MTHFD1L: variants seen among roughly 807,000 people sequenced by gnomAD.
MTHFD1L encodes monofunctional C1-tetrahydrofolate synthase, mitochondrial.
MTHFD1L carries 81 observed loss-of-function variants against 119.5 expected under a neutral mutation model. The ratio of observed to expected loss-of-function variants is 0.68; its 90% CI spans 0.57 to 0.82. MTHFD1L has a LOEUF of 0.82. Among genes scored for constraint, MTHFD1L ranks in the 40% least tolerant of loss-of-function variants. The probability of loss-of-function intolerance (pLI) is 0.00; values close to 1 mark genes in which losing one functional copy is unlikely to be tolerated. For synonymous variants in MTHFD1L, 430 were observed against 475.2 expected, an observed-to-expected ratio of 0.90 and a Z score of 1.24; for missense variants, 1,125 against 1,253.4, an observed-to-expected ratio of 0.90 and a Z score of 1.55.
chr6:150,972,179 T>C (rs527383841), intron 20 of MTHFD1L, 121 bp downstream of exon 20: 220 of 823,586 alleles, frequency 2.7e-4, no homozygotes, highest in Non-Finnish European at 2.9e-5. Context: ...CCCTCTTTCA[T>C]AGAGGGTCTC....
chr6:150,891,538 T>C (rs942497603), intron 7 of MTHFD1L, among the ~76,000 whole-genome samples: 4 of 147,972 alleles, frequency 2.7e-5, no homozygotes, highest in African/African-American at 9.8e-5. Flanking sequence ...TAATATATAT[T>C]ATATTATTAT....
intron 26 of MTHFD1L, among the ~76,000 whole-genome samples, chr6:151,081,249 G>A (rs1793132831): frequency 6.6e-6 from 1 of 152,148 alleles, no homozygotes; most frequent in South Asian, 2.1e-4. Context: ...GGCCAGCCGA[G>A]TTTCAGGGTA....
intron 24 of MTHFD1L, among the ~76,000 whole-genome samples, chr6:151,025,937 GCC>G (rs1463601253): frequency 1.3e-5 from 2 of 152,152 alleles, no homozygotes; most frequent in Admixed American, 1.3e-4. Flanking sequence ...AAGATGAGAC[GCC>G]CCTACTACGT....
intron 19 of MTHFD1L, among the ~76,000 whole-genome samples, chr6:150,968,752 G>A (rs1337893619): frequency 6.6e-6 from 1 of 151,684 alleles, no homozygotes; most frequent in African/African-American, 2.4e-5. Context: ...CTGACCTCAG[G>A]TGATCTGCCC....
At chr6:151,084,507 G>C (rs1194535650) in intron 26 of MTHFD1L, among the ~76,000 whole-genome samples, 2 of 152,140 alleles carry the variant, frequency 1.3e-5, no homozygotes, top group Non-Finnish European at 2.9e-5. Flanking sequence ...TTGAACTCCT[G>C]GCCCCAAGCG....
intron 17 of MTHFD1L, among the ~76,000 whole-genome samples, chr6:150,957,022 T>C (rs1022355335): frequency 6.6e-6 from 1 of 152,220 alleles, no homozygotes; most frequent in East Asian, 1.9e-4. Flanking sequence ...ATTAGATTGA[T>C]GATTAAAAGG....
intron 27 of MTHFD1L, among the ~76,000 whole-genome samples, chr6:151,093,052 C>A (rs1351406511): frequency 6.6e-6 from 1 of 152,210 alleles, no homozygotes; most frequent in Non-Finnish European, 1.5e-5. Context: ...GACAAAGTAT[C>A]GCAAACTGGG....
chr6:151,077,849 G>A (rs1792703933), intron 26 of MTHFD1L, among the ~76,000 whole-genome samples: 1 of 151,804 alleles, frequency 6.6e-6, no homozygotes, highest in Non-Finnish European at 1.5e-5. Context: ...GGAGCACGAG[G>A]TCAGGAGATC....
intron 7 of MTHFD1L, among the ~76,000 whole-genome samples, chr6:150,898,066 A>G (rs1386107811): frequency 6.6e-6 from 1 of 152,080 alleles, no homozygotes; most frequent in Non-Finnish European, 1.5e-5. Flanking sequence ...CTGGTCTCGA[A>G]CTCCTGACCT....
chr6:151,084,992 T>A (rs1230017684), intron 26 of MTHFD1L, among the ~76,000 whole-genome samples: 35 of 133,028 alleles, frequency 2.6e-4, no homozygotes, highest in African/African-American at 1.0e-3. Flanking sequence ...AAAATATATA[T>A]ATATATATAT....
intron 7 of MTHFD1L, among the ~76,000 whole-genome samples, chr6:150,891,907 C>A (rs1783351683): frequency 6.6e-6 from 1 of 152,130 alleles, no homozygotes; most frequent in African/African-American, 2.4e-5. Flanking sequence ...CCTCATGTTG[C>A]AGGGTGAGAA....
chr6:151,010,028 A>G, intron 21 of MTHFD1L, 70 bp downstream of exon 21: 1 of 1,485,740 alleles, frequency 6.7e-7, no homozygotes, highest in South Asian at 1.4e-5. Flanking sequence ...GAGCATTTGA[A>G]AAATTCCTGC....
rs140431781 is a variant in MTHFD1L, at chr6:150,969,964, C to G, written c.2014-1983C>G. ...ATTTGCAGACGTGAACTCTTGTACC[C>G]TGATCCTATGTTGTCACTCTGGGTT... On this transcript the variant is annotated intron_variant, in intron 19 of 27. Coordinates refer to ENST00000367321, the MANE Select transcript of MTHFD1L (RefSeq NM_015440.5). Among the ~76,000 whole-genome samples, 4 of 152,354 alleles carry G rather than the reference C, an allele frequency of 2.6e-5. No individual in the cohort carries two copies. In the East Asian group the frequency reaches 7.7e-4, roughly 29 times the overall value.
chr6:151,004,422 T>G (rs1177883779), intron 20 of MTHFD1L, among the ~76,000 whole-genome samples: 1 of 152,178 alleles, frequency 6.6e-6, no homozygotes, highest in Non-Finnish European at 1.5e-5. Flanking sequence ...GATGTAGAAA[T>G]CGTCTCTCCC....
Position 150,882,852 on chromosome 6 carries a change from C to T in MTHFD1L, c.508C>T (p.Leu170Phe), listed in dbSNP as rs752072207. 6.3e-7 allele frequency: 1 copy of T among 1,579,340 alleles called. No homozygotes were observed. Among genetic ancestry groups the T allele is most frequent in the Non-Finnish European group, 8.5e-7 (1 of 1,169,696 alleles). The change falls in exon 5 of 28, where the codon CTC becomes TTC. Residue 170 changes from leucine to phenylalanine, a missense_variant. Physicochemically the swap from Leu to Phe is conservative, Grantham distance 22. This residue lies in a region of MTHFD1L where 1,058 missense variants were observed against 1,151.2 expected (regional missense o/e 0.92). Transcript: ENST00000367321. ...TGAGAACTTGTTTAGCAACAAAGTC[C>T]TCAATGCCTTGAAACCAGAAAAAGA... ...ISENLFSNKVLNALKPEKDVD... is the reference protein window; with the variant it reads ...ISENLFSNKVFNALKPEKDVD...
chr6:150,946,228 C>T (rs1024290082), intron 15 of MTHFD1L, among the ~76,000 whole-genome samples: 1 of 152,190 alleles, frequency 6.6e-6, no homozygotes, highest in African/African-American at 2.4e-5. Context: ...TGGCTCACTG[C>T]AACCTCTGCC....
intron 26 of MTHFD1L, among the ~76,000 whole-genome samples, chr6:151,054,575 A>G (rs1789589275): frequency 6.6e-6 from 1 of 152,176 alleles, no homozygotes; most frequent in Non-Finnish European, 1.5e-5. Flanking sequence ...ATTACTTTAA[A>G]AACAAAAACT....
intron 4 of MTHFD1L, among the ~76,000 whole-genome samples, chr6:150,879,380 C>T (rs112347315): frequency 0.014 from 2,146 of 152,058 alleles, 62 homozygotes; most frequent in East Asian, 0.099. Flanking sequence ...CTCTACCTCC[C>T]GGGTTCAAGT....
chr6:151,076,568 T>C (rs981348764), intron 26 of MTHFD1L, among the ~76,000 whole-genome samples: 8 of 151,532 alleles, frequency 5.3e-5, no homozygotes, highest in Admixed American at 3.9e-4. Flanking sequence ...CGAGAATTGC[T>C]TGAACCCAGG....
Sources: gnomAD v4.1 joint callset for allele counts (sites outside exome capture counted in the v4.1 genomes callset) on GRCh38, gnomAD v4.1.1 for gene constraint, gnomAD v4.1.1 regional missense constraint, MANE v1.5 for transcripts, NCBI Gene and HGNC (gene_info 2026-07-23, HGNC 2026-07-21) for gene names.